Variants in ABTB3 observed in about 807,000 individuals in gnomAD.
The protein encoded by ABTB3 is ankyrin repeat and BTB domain containing 3.
chr12:107,462,773 A>G, the ABTB3 span, among the ~76,000 whole-genome samples: 3 of 151,178 alleles, frequency 2.0e-5, no homozygotes, highest in Non-Finnish European at 4.4e-5. Flanking sequence ...AGTGATGGTG[A>G]TGATGATGTA....
the ABTB3 span, among the ~76,000 whole-genome samples, chr12:107,482,454 G>C: frequency 6.6e-6 from 1 of 152,274 alleles, no homozygotes; most frequent in Admixed American, 6.5e-5. Flanking sequence ...TTGGAGTGTG[G>C]GAAGGGAATA....
chr12:107,362,580 G>T, the ABTB3 span, among the ~76,000 whole-genome samples: 1 of 152,170 alleles, frequency 6.6e-6, no homozygotes, highest in East Asian at 1.9e-4. Context: ...GTTGCTTGAG[G>T]TCAGGAGTTT....
the ABTB3 span, chr12:107,544,064 A>G: frequency 1.2e-6 from 2 of 1,613,888 alleles, no homozygotes; most frequent in Non-Finnish European, 8.5e-7. Flanking sequence ...ACCCTTTGCT[A>G]TTTCATGCAC....
At chr12:107,588,548 T>C in the ABTB3 span, among the ~76,000 whole-genome samples, 2 of 152,220 alleles carry the variant, frequency 1.3e-5, no homozygotes, top group East Asian at 3.9e-4. Context: ...TGAGACAGAG[T>C]CTTGCTCTGT....
chr12:107,629,280 G>T, the ABTB3 span, among the ~76,000 whole-genome samples: 2 of 152,030 alleles, frequency 1.3e-5, no homozygotes, highest in Non-Finnish European at 2.9e-5. Flanking sequence ...ACAATTAGCT[G>T]GGCACAGTGG....
the ABTB3 span, among the ~76,000 whole-genome samples, chr12:107,423,119 T>C: frequency 6.6e-6 from 1 of 152,278 alleles, no homozygotes; most frequent in South Asian, 2.1e-4. Context: ...CAGAGAAGTG[T>C]CCCTTCCCCC....
the ABTB3 span, among the ~76,000 whole-genome samples, chr12:107,579,027 A>C: frequency 6.6e-6 from 1 of 152,226 alleles, no homozygotes; most frequent in African/African-American, 2.4e-5. Flanking sequence ...CTAATGGGGC[A>C]TTTGCAGAGG....
At chr12:107,515,932 G>A in the ABTB3 span, among the ~76,000 whole-genome samples, 1 of 152,054 alleles carries the variant, frequency 6.6e-6, no homozygotes, top group Non-Finnish European at 1.5e-5. Context: ...TAAGATGGAA[G>A]AGAAGTGAAA....
At chr12:107,349,501 G>T in the ABTB3 span, among the ~76,000 whole-genome samples, 2 of 152,154 alleles carry the variant, frequency 1.3e-5, no homozygotes, top group African/African-American at 2.4e-5. Context: ...AAAGGCAGAG[G>T]TTCAAATTCA....
the ABTB3 span, among the ~76,000 whole-genome samples, chr12:107,403,029 C>T: frequency 1.3e-5 from 2 of 152,234 alleles, no homozygotes; most frequent in Non-Finnish European, 2.9e-5. Context: ...TTCTTCTCCT[C>T]CATCTGCTCC....
chr12:107,404,814 C>A, the ABTB3 span, among the ~76,000 whole-genome samples: 1 of 152,212 alleles, frequency 6.6e-6, no homozygotes, highest in East Asian at 1.9e-4. Context: ...TCACTCCAGG[C>A]CTTACTCATC....
At chr12:107,508,361 T>A in the ABTB3 span, among the ~76,000 whole-genome samples, 1 of 151,520 alleles carries the variant, frequency 6.6e-6, no homozygotes, top group African/African-American at 2.4e-5. Context: ...AAGGTAGACA[T>A]TGTCCAAAAA....
chr12:107,534,078 A>C, the ABTB3 span, among the ~76,000 whole-genome samples: 123 of 152,344 alleles, frequency 8.1e-4, 1 homozygote, highest in African/African-American at 2.9e-3. Context: ...ATGCATCTGT[A>C]GCTCCAGCTA....
chr12:107,651,598 A>T, the ABTB3 span: 1 of 974,080 alleles, frequency 1.0e-6, no homozygotes, highest in African/African-American at 1.6e-5. Context: ...GGACTGTCTC[A>T]CCACTATAGT....
At chr12:107,409,299 C>T in the ABTB3 span, among the ~76,000 whole-genome samples, 1 of 152,218 alleles carries the variant, frequency 6.6e-6, no homozygotes, top group African/African-American at 2.4e-5. Context: ...TATAGGGCCT[C>T]TCCTGTGGAG....
chr12:107,438,325 T>C, the ABTB3 span, among the ~76,000 whole-genome samples: 2 of 152,180 alleles, frequency 1.3e-5, no homozygotes, highest in Non-Finnish European at 2.9e-5. Context: ...TGAGAATGGA[T>C]AGTTTGCAAG....
the ABTB3 span, among the ~76,000 whole-genome samples, chr12:107,496,035 G>A: frequency 6.6e-6 from 1 of 152,258 alleles, no homozygotes; most frequent in Admixed American, 6.5e-5. Context: ...CCCCATGACT[G>A]TTAGTGCCAT....
the ABTB3 span, among the ~76,000 whole-genome samples, chr12:107,394,893 C>T: frequency 6.6e-6 from 1 of 152,214 alleles, no homozygotes; most frequent in Non-Finnish European, 1.5e-5. Context: ...CCCAGGAGAG[C>T]CAACGGCAGC....
the ABTB3 span, among the ~76,000 whole-genome samples, chr12:107,386,633 T>A: frequency 1.2e-4 from 18 of 152,348 alleles, no homozygotes; most frequent in African/African-American, 4.1e-4. Context: ...CCACCCATTC[T>A]GTCCTGAGTC....
Sources: gnomAD v4.1 joint callset for allele counts (sites outside exome capture counted in the v4.1 genomes callset) on GRCh38, gnomAD v4.1.1 for gene constraint, MANE v1.5 for transcripts, NCBI Gene and HGNC (gene_info 2026-07-23, HGNC 2026-07-21) for gene names.